Variants in GLB1L3 observed in about 807,000 individuals in gnomAD.
GLB1L3 encodes galactosidase beta 1 like 3.
In GLB1L3, 89 loss-of-function variants were observed where a neutral mutation model predicts 89.5. The observed-to-expected ratio is 0.99, with a 90% confidence interval of 0.84 to 1.19. The LOEUF (loss-of-function observed/expected upper bound fraction) is 1.19. Among genes scored for constraint, GLB1L3 ranks in the 50% most tolerant of loss-of-function variants. GLB1L3 has a pLI of 0.00. For missense variants in GLB1L3, 812 were observed against 813.3 expected (o/e 1.00, Z 0.02); for synonymous variants, 314 against 312.3 (o/e 1.01, Z -0.06).
chr11:134,278,636 C>T (rs944776073), intron 3 of GLB1L3, among the ~76,000 whole-genome samples: 10 of 152,184 alleles, frequency 6.6e-5, no homozygotes, highest in Admixed American at 3.9e-4. Flanking sequence ...GAGGCCCTGT[C>T]CTCCTGAGGG....
Position 134,277,312 on chromosome 11 carries a change from C to T in GLB1L3, c.24-14C>T. On this transcript the variant is annotated splice_polypyrimidine_tract_variant and intron_variant, in intron 1 of 19. Coordinates refer to ENST00000431683, the MANE Select transcript of GLB1L3 (RefSeq NM_001080407.3). ...GAACCTTCCCCTTGTCACTGTTGTC[C>T]TTTCTCCTTTCAGCCCGTGTCTCTC... 3 of 1,613,872 alleles carry T rather than the reference C, an allele frequency of 1.9e-6. No homozygotes were observed. The highest frequency in any genetic ancestry group is 2.2e-5 in the East Asian group (1 of 44,854).
chr11:134,280,983 T>A (rs964363415), intron 3 of GLB1L3, among the ~76,000 whole-genome samples: 33 of 152,386 alleles, frequency 2.2e-4, no homozygotes, highest in African/African-American at 7.9e-4. Context: ...GTAACTCCAC[T>A]ATCTTCACAG....
Position 134,314,477 on chromosome 11 carries a change from C to G in GLB1L3, c.1779+36C>G, listed in dbSNP as rs1163907912. ...CCCTCTGCTGCCCTGGTGTTCCAAA[C>G]ACCAATTTTATTTTTAAAGAGTCCT... On this transcript the variant is annotated intron_variant, in intron 18 of 19. Transcript: ENST00000431683. The G allele has an allele frequency of 2.3e-6, 3 of 1,318,616 alleles. No individual in the cohort carries two copies. The South Asian group carries it at 3.8e-5, about 17-fold the overall frequency. 81.7% of individuals were successfully genotyped at this position (1,318,616 alleles called of 1,614,324 possible). A position where few individuals can be genotyped will look rare whatever the true frequency, so the allele number is the denominator to read the frequency against.
chr11:134,300,744 G>A lies in GLB1L3; in HGVS notation c.877-6380G>A, dbSNP rs111790689. Among the ~76,000 whole-genome samples, 184 of 152,224 alleles carry A rather than the reference G, an allele frequency of 1.2e-3. 1 individual carries two copies. The highest frequency in any genetic ancestry group is 4.1e-3 in the African/African-American group (172 of 41,546). ...CGTGCCCTCGCATGGTCTTTCTGCC[G>A]TGAACACGAGACCCTGGTGTGTCAA... On this transcript the variant is annotated intron_variant, in intron 9 of 19. Transcript: ENST00000431683.
At chr11:134,290,057 C>G (rs899494185) in intron 7 of GLB1L3, among the ~76,000 whole-genome samples, 2 of 152,230 alleles carry the variant, frequency 1.3e-5, no homozygotes, top group Non-Finnish European at 2.9e-5. Context: ...ACTTCATCCA[C>G]GTGCTGGCTC....
In GLB1L3 at chr11:134,281,316, C is replaced by T. The variant is rs1039666277; in HGVS notation, c.363-61C>T. On this transcript the variant is annotated intron_variant, in intron 3 of 19. Coordinates refer to ENST00000431683, the MANE Select transcript of GLB1L3 (RefSeq NM_001080407.3). Reference sequence around the variant, plus strand: ...GTTTTGGCTTGGATTTGGGGCAGACCTAACAATTTGGAGGAAGAAATAAGA... The same window carrying T: ...GTTTTGGCTTGGATTTGGGGCAGACTTAACAATTTGGAGGAAGAAATAAGA... 6 of 1,602,522 alleles carry T rather than the reference C, an allele frequency of 3.7e-6. No homozygotes were observed. The African/African-American group carries it at 8.0e-5, about 21-fold the overall frequency.
chr11:134,276,456 C>T lies in GLB1L3; in HGVS notation c.-285C>T, dbSNP rs907666441. On this transcript the variant is annotated 5_prime_UTR_variant, in exon 1 of 20. Transcript: ENST00000431683. The stretch of plus-strand genomic sequence containing the variant: ...GTTACCCCAAGGGCCCTCCCGCTTC[C>T]CCTCCGAGGGCAGAGAGGCGTCCGC... 8.6e-5 allele frequency: 30 copies of T among 346,874 alleles called. No individual in the cohort carries two copies. Among genetic ancestry groups the T allele is most frequent in the Non-Finnish European group, 1.5e-4 (29 of 193,316 alleles). The allele number at this position is 346,874 out of a possible 1,614,324, so 21.5% of individuals were successfully genotyped here.
At chr11:134,317,720 ATTG>A (rs1165536377) in intron 18 of GLB1L3, among the ~76,000 whole-genome samples, 1 of 152,012 alleles carries the variant, frequency 6.6e-6, no homozygotes, top group African/African-American at 2.4e-5. Context: ...GTCTTTATTG[ATTG>A]TTATTTGCTT....
chr11:134,307,887 T>C (rs1942273174), intron 10 of GLB1L3, among the ~76,000 whole-genome samples: 1 of 152,184 alleles, frequency 6.6e-6, no homozygotes, highest in Non-Finnish European at 1.5e-5. Flanking sequence ...AGTCGTTTAC[T>C]TAATAGGCAT....
At chr11:134,311,598 A>C (rs1942738387) in intron 13 of GLB1L3, 1 of 161,718 alleles carries the variant, frequency 6.2e-6, no homozygotes, top group African/African-American at 2.4e-5. Context: ...GAAAGGTGAA[A>C]GCTGTTTGGA....
intron 8 of GLB1L3, chr11:134,292,756 G>A: frequency 2.9e-6 from 1 of 349,422 alleles, no homozygotes; most frequent in Non-Finnish European, 5.3e-6. Flanking sequence ...CAGGGGAGCG[G>A]GGCGAGCTGC....
chr11:134,311,704 T>C (rs1283716210), intron 13 of GLB1L3: 1 of 152,840 alleles, frequency 6.5e-6, no homozygotes, highest in East Asian at 1.9e-4. Context: ...AAACTACATT[T>C]ATTTAATGTA....
intron 5 of GLB1L3, 33 bp from the exon 6 acceptor site, chr11:134,283,704 C>T (rs1474827153): frequency 7.5e-7 from 1 of 1,339,588 alleles, no homozygotes; most frequent in South Asian, 1.2e-5. Flanking sequence ...CCCAACCCGT[C>T]TCAGACCCTG....
At chr11:134,293,317 T>TTTCACCCTGGGTC in intron 9 of GLB1L3, 108 bp downstream of exon 9, 1 of 932,556 alleles carries the variant, frequency 1.1e-6, no homozygotes, top group Non-Finnish European at 1.6e-6. Flanking sequence ...GACCGCAGGT[T>TTTCACCCTGGGTC]TTCACCCTGG....
chr11:134,287,080 G>C (rs991850690), intron 6 of GLB1L3: 1 of 151,702 alleles, frequency 6.6e-6, no homozygotes, highest in Non-Finnish European at 1.5e-5. Context: ...AGAATGACGT[G>C]AACCCGGGAG....
At chr11:134,308,115 A>G (rs1942285020) in intron 10 of GLB1L3, among the ~76,000 whole-genome samples, 1 of 137,058 alleles carries the variant, frequency 7.3e-6, no homozygotes, top group Non-Finnish European at 1.6e-5. Context: ...CAACAATACC[A>G]CCACCATCAT....
intron 10 of GLB1L3, among the ~76,000 whole-genome samples, chr11:134,308,931 C>G (rs1942581855): frequency 2.0e-5 from 3 of 152,144 alleles, no homozygotes; most frequent in Non-Finnish European, 1.5e-5. Context: ...CCTTCTTCTT[C>G]CCACTGTGGC....
At chr11:134,308,568 C>CCAT (rs1405605962) in intron 10 of GLB1L3, among the ~76,000 whole-genome samples, 54 of 138,474 alleles carry the variant, frequency 3.9e-4, no homozygotes, top group Admixed American at 9.1e-4. Context: ...ACCACCACCA[C>CCAT]CACCATCACC....
intron 9 of GLB1L3, among the ~76,000 whole-genome samples, chr11:134,295,848 C>T (rs1941606705): frequency 6.6e-6 from 1 of 152,032 alleles, no homozygotes; most frequent in Non-Finnish European, 1.5e-5. Context: ...TTTTAAATTT[C>T]CCTTGAGACT....
Sources: allele counts gnomAD v4.1 joint callset (sites outside exome capture counted in the v4.1 genomes callset), GRCh38; gene constraint gnomAD v4.1.1; transcripts MANE v1.5; gene names NCBI Gene and HGNC (gene_info 2026-07-23, HGNC 2026-07-21).